ZNF831: variants seen among roughly 807,000 people sequenced by gnomAD.
ZNF831 encodes the protein chromosome 20 open reading frame 174.
Under a neutral mutation model 95.8 loss-of-function variants are expected in ZNF831, and 59 were observed. The ratio of observed to expected loss-of-function variants is 0.62; its 90% CI spans 0.50 to 0.77. ZNF831 has a LOEUF of 0.77. ZNF831 is among the 30% of genes least tolerant of loss of function. The probability of loss-of-function intolerance (pLI) is 0.00; values close to 1 mark genes in which losing one functional copy is unlikely to be tolerated. For missense variants in ZNF831, 2,205 were observed against 2,164.0 expected (o/e 1.02, Z -0.38); for synonymous variants, 961 against 925.5 (o/e 1.04, Z -0.70).
intron 2 of ZNF831, among the ~76,000 whole-genome samples, chr20:59,157,689 C>G (rs1379699309): frequency 2.0e-5 from 3 of 152,124 alleles, no homozygotes; most frequent in Non-Finnish European, 2.9e-5. Context: ...TTGGCAGAGG[C>G]TAATATACAA....
At chr20:59,253,233 T>A (rs1987995125) in intron 5 of ZNF831, 95 bp downstream of exon 5, 1 of 1,387,832 alleles carries the variant, frequency 7.2e-7, no homozygotes, top group Non-Finnish European at 9.9e-7. Flanking sequence ...TGGCAGAACT[T>A]GCTCGGATCA....
At chr20:59,232,696 T>C (rs1291819648) in intron 4 of ZNF831, among the ~76,000 whole-genome samples, 1 of 152,200 alleles carries the variant, frequency 6.6e-6, no homozygotes, top group African/African-American at 2.4e-5. Context: ...TGAGCATCTA[T>C]TTTGTACCCC....
At chr20:59,251,644 C>T (rs1987893385) in intron 4 of ZNF831, among the ~76,000 whole-genome samples, 3 of 152,184 alleles carry the variant, frequency 2.0e-5, no homozygotes, top group Admixed American at 1.3e-4. Flanking sequence ...ACCCCAGGGG[C>T]ACAGCCATGC....
At chr20:59,161,476 A>T (rs1185770715), upstream of ZNF831, among the ~76,000 whole-genome samples, 2 of 152,130 alleles carry the variant, frequency 1.3e-5, no homozygotes, top group Admixed American at 1.3e-4. Context: ...ATGGGGTTTC[A>T]CCATGTTGGC....
intron 2 of ZNF831, among the ~76,000 whole-genome samples, chr20:59,195,467 C>G (rs547821549): frequency 1.3e-5 from 2 of 152,168 alleles, no homozygotes; most frequent in Non-Finnish European, 2.9e-5. Context: ...GCAGGCTGTT[C>G]GGCTTTCCCT....
chr20:59,158,995 G>C (rs958157810), upstream of ZNF831, among the ~76,000 whole-genome samples: 3 of 152,256 alleles, frequency 2.0e-5, no homozygotes, highest in Non-Finnish European at 2.9e-5. Flanking sequence ...CCAAGCCAGG[G>C]TGGGTGGTGA....
chr20:59,250,440 C>G (rs763761677), intron 4 of ZNF831, among the ~76,000 whole-genome samples: 1 of 152,166 alleles, frequency 6.6e-6, no homozygotes, highest in Non-Finnish European at 1.5e-5. Flanking sequence ...ACCACATAAC[C>G]TAACAGTAGG....
At chr20:59,188,014 A>T (rs1983200830) in intron 1 of ZNF831, among the ~76,000 whole-genome samples, 1 of 152,228 alleles carries the variant, frequency 6.6e-6, no homozygotes, top group African/African-American at 2.4e-5. Context: ...ATTCTACGGT[A>T]CTGTATATTG....
At position 59,193,723 on chromosome 20, in the gene ZNF831, A is replaced by G. The variant is rs2146588208; in HGVS notation, c.2704A>G (p.Lys902Glu). 6.2e-7 allele frequency: 1 copy of G among 1,611,960 alleles called. No homozygotes were observed. Among genetic ancestry groups the G allele is most frequent in the Non-Finnish European group, 8.5e-7 (1 of 1,179,074 alleles). ...CCTGAAGAGGGTGGGGCCAAGGGAC[A>G]AGGCTACCCCACTGCATCCTGCAGC... is the stretch of plus-strand genomic sequence containing the variant. ...VALKRVGPRD[K>E]ATPLHPAAPA... The change falls in exon 2 of 6, where the codon AAG (lysine) becomes GAG (glutamate). Residue 902 changes from lysine to glutamate, a missense_variant. Transcript: ENST00000371030.
At chr20:59,152,512 A>C (rs1980305043) in intron 2 of ZNF831, among the ~76,000 whole-genome samples, 1 of 152,188 alleles carries the variant, frequency 6.6e-6, no homozygotes, top group African/African-American at 2.4e-5. Flanking sequence ...CCATCCGTGC[A>C]TGCCGGGGCA....
intron 2 of ZNF831, among the ~76,000 whole-genome samples, chr20:59,148,799 A>G (rs1980048340): frequency 6.9e-6 from 1 of 144,664 alleles, no homozygotes; most frequent in African/African-American, 2.5e-5. Flanking sequence ...CCTGTCACCC[A>G]GCCAGGAGAT....
chr20:59,203,653 T>G (rs1984683406), intron 3 of ZNF831, among the ~76,000 whole-genome samples: 1 of 152,250 alleles, frequency 6.6e-6, no homozygotes, highest in South Asian at 2.1e-4. Context: ...AAATTTTAGC[T>G]TCCCGTTTAT....
chr20:59,177,460 G>A (rs1376419323), intron 1 of ZNF831, among the ~76,000 whole-genome samples: 1 of 152,156 alleles, frequency 6.6e-6, no homozygotes, highest in East Asian at 1.9e-4. Flanking sequence ...GCATCCATTG[G>A]CCTTTGCATT....
intron 4 of ZNF831, among the ~76,000 whole-genome samples, chr20:59,245,048 ATTT>A (rs767716216): frequency 2.6e-5 from 4 of 152,178 alleles, no homozygotes; most frequent in Non-Finnish European, 5.9e-5. Flanking sequence ...TCCCATCAAT[ATTT>A]TTAACAGTAT....
Position 59,194,471 on chromosome 20 carries a change from C to A in ZNF831, c.3452C>A (p.Ala1151Asp), listed in dbSNP as rs1258174914. 1 of 1,613,040 alleles carries A rather than the reference C, an allele frequency of 6.2e-7. No individual in the cohort carries two copies. The highest frequency in any genetic ancestry group is 1.7e-5 in the Admixed American group (1 of 59,964). The change falls in exon 2 of 6, where the codon GCC (alanine) becomes GAC (aspartate). Residue 1151 changes from alanine (A) to aspartate (D), a missense_variant. Transcript: ENST00000371030. ...QGVPPGWPEL[A>D]LSSHSGTSRS... ...GTGCCCCCAGGCTGGCCAGAGCTGG[C>A]CTTGTCTTCCCACTCAGGGACGTCC...
chr20:59,247,164 C>T (rs1987654300), intron 4 of ZNF831, among the ~76,000 whole-genome samples: 1 of 152,136 alleles, frequency 6.6e-6, no homozygotes, highest in Non-Finnish European at 1.5e-5. Flanking sequence ...ATAGATGATT[C>T]AGACTTAGAA....
intron 1 of ZNF831, among the ~76,000 whole-genome samples, chr20:59,186,544 A>G (rs1983056529): frequency 6.6e-6 from 1 of 152,178 alleles, no homozygotes; most frequent in Non-Finnish European, 1.5e-5. Context: ...GTTCTTAGAG[A>G]TGAGGAAACA....
chr20:59,191,637 C>T lies in ZNF831; in HGVS notation c.618C>T (p.Ser206=), dbSNP rs772184159. Residue 206 remains serine, a synonymous_variant, in exon 2 of 6, where the codon TCC becomes TCT. Coordinates refer to ENST00000371030, the MANE Select transcript of ZNF831 (RefSeq NM_178457.3). The part of the protein sequence containing the change: ...HLNNSRLSSE[S]EGAGGGLLEE... ...ACAACTCCCGGCTGTCCTCAGAGTC[C>T]GAGGGCGCCGGGGGCGGCCTCCTGG... is the stretch of plus-strand genomic sequence containing the variant. 1 of 1,571,750 alleles carries T rather than the reference C, an allele frequency of 6.4e-7. No individual in the cohort carries two copies. Among genetic ancestry groups the T allele is most frequent in the Non-Finnish European group, 8.6e-7 (1 of 1,157,926 alleles).
Position 59,194,436 on chromosome 20 carries a change from G to T in ZNF831, c.3417G>T (p.Arg1139=). The stretch of plus-strand genomic sequence containing the variant: ...GCTCCTTCCTCACTGCCCTCACTCG[G>T]CCTCAGGGTGTGCCCCCAGGCTGGC... The part of the protein sequence containing the change: ...QPGSFLTALT[R]PQGVPPGWPE... The change falls in exon 2 of 6, where the codon CGG becomes CGT. Residue 1139 remains arginine, a synonymous_variant. Transcript: ENST00000371030. The T allele has an allele frequency of 6.2e-7, 1 of 1,612,664 alleles. No individual in the cohort carries two copies. The highest frequency in any genetic ancestry group is 8.5e-7 in the Non-Finnish European group (1 of 1,179,596).
Sources: allele counts gnomAD v4.1 joint callset (sites outside exome capture counted in the v4.1 genomes callset), GRCh38; gene constraint gnomAD v4.1.1; transcripts MANE v1.5; gene names NCBI Gene and HGNC (gene_info 2026-07-23, HGNC 2026-07-21).